AMPH: variants seen among roughly 807,000 people sequenced by gnomAD.
AMPH encodes the protein amphiphysin (Stiff-Mann syndrome with breast cancer 128kD autoantigen).
In AMPH, 49 loss-of-function variants were observed where a neutral mutation model predicts 99.1. That is an observed-to-expected ratio of 0.49 (90% CI 0.39 to 0.63). The LOEUF is 0.63. Ranked by LOEUF, AMPH falls within the 20% of genes least tolerant of loss-of-function variation. The pLI is 0.00. For missense variants in AMPH, 759 were observed against 863.4 expected (o/e 0.88, Z 1.52); for synonymous variants, 314 against 317.3 (o/e 0.99, Z 0.11).
At chr7:38,585,041 C>A (rs1226132898) in intron 1 of AMPH, among the ~76,000 whole-genome samples, 2 of 152,200 alleles carry the variant, frequency 1.3e-5, no homozygotes, top group East Asian at 3.9e-4. Flanking sequence ...TGGGAAACAG[C>A]AAGCTACATG....
intron 1 of AMPH, among the ~76,000 whole-genome samples, chr7:38,611,783 CAGGTG>C (rs751111203): frequency 3.3e-5 from 5 of 152,218 alleles, no homozygotes; most frequent in Non-Finnish European, 5.9e-5. Flanking sequence ...ATCTTGCCTG[CAGGTG>C]TCTCAAATAT....
chr7:38,427,135 A>G lies in AMPH; in HGVS notation c.1183-149T>C, dbSNP rs878918052. The G allele has an allele frequency of 6.2e-6, 4 of 648,242 alleles. No individual in the cohort carries two copies. In the South Asian group the frequency reaches 8.4e-5, roughly 14 times the overall value. The allele number at this position is 648,242 out of a possible 1,614,324, so 40.2% of individuals were successfully genotyped here. ...TTGCTGTGCATGAAAGAACTTAGGA[A>G]ATGCAAAGGCCACACTGTATGATTT... On this transcript the variant is annotated intron_variant, in intron 14 of 20. Coordinates refer to ENST00000356264, the MANE Select transcript of AMPH (RefSeq NM_001635.4).
intron 1 of AMPH, among the ~76,000 whole-genome samples, chr7:38,548,703 G>A (rs9638941): frequency 0.13 from 19,783 of 152,118 alleles, 1,559 homozygotes; most frequent in East Asian, 0.34. Flanking sequence ...ATAGTGAAAT[G>A]CAGATTTTAT....
At chr7:38,399,310 TTC>T (rs1192314035) in intron 17 of AMPH, among the ~76,000 whole-genome samples, 1 of 152,200 alleles carries the variant, frequency 6.6e-6, no homozygotes, top group East Asian at 1.9e-4. Context: ...CCTCATAGCT[TTC>T]TGTTTCTGAC....
chr7:38,535,095 G>A, intron 1 of AMPH, 84 bp from the exon 2 acceptor site: 1 of 1,245,872 alleles, frequency 8.0e-7, no homozygotes, highest in Non-Finnish European at 1.2e-6. Context: ...GAGCAAGGCT[G>A]TTGTTTTGCT....
At chr7:38,466,322 T>C in intron 7 of AMPH, 74 bp from the exon 8 acceptor site, 1 of 1,184,530 alleles carries the variant, frequency 8.4e-7, no homozygotes, top group East Asian at 2.6e-5. Flanking sequence ...TTAATAGCAA[T>C]GAAATGTATG....
At chr7:38,395,922 G>T (rs1784655558) in intron 17 of AMPH, among the ~76,000 whole-genome samples, 1 of 152,112 alleles carries the variant, frequency 6.6e-6, no homozygotes, top group South Asian at 2.1e-4. Context: ...AAATAAAAAT[G>T]CCTGTTACAG....
intron 13 of AMPH, chr7:38,430,098 C>T (rs573104363): frequency 3.9e-6 from 2 of 519,448 alleles, no homozygotes; most frequent in African/African-American, 3.9e-5. Context: ...CACTTTCTAG[C>T]ATCAGCAAGG....
At chr7:38,551,397 G>C (rs1791175559) in intron 1 of AMPH, among the ~76,000 whole-genome samples, 1 of 152,300 alleles carries the variant, frequency 6.6e-6, no homozygotes, top group African/African-American at 2.4e-5. Context: ...AGGAAGAATA[G>C]TCAATGCTTC....
chr7:38,505,694 T>C (rs1789299765), intron 2 of AMPH, among the ~76,000 whole-genome samples: 1 of 152,056 alleles, frequency 6.6e-6, no homozygotes. Context: ...AAAATGCTGA[T>C]GATAAACACT....
At chr7:38,622,298 T>A (rs1794097936) in intron 1 of AMPH, among the ~76,000 whole-genome samples, 1 of 152,126 alleles carries the variant, frequency 6.6e-6, no homozygotes, top group Non-Finnish European at 1.5e-5. Flanking sequence ...TTTCCAGACT[T>A]TAAAATATCA....
chr7:38,484,906 A>C (rs1788431376), intron 5 of AMPH, among the ~76,000 whole-genome samples: 1 of 152,010 alleles, frequency 6.6e-6, no homozygotes, highest in African/African-American at 2.4e-5. Flanking sequence ...TTTAGTTCTT[A>C]GCTTAAAATA....
chr7:38,558,004 C>CAAAAA (rs11423431), intron 1 of AMPH, among the ~76,000 whole-genome samples: 12 of 134,228 alleles, frequency 8.9e-5, no homozygotes, highest in African/African-American at 3.3e-4. Flanking sequence ...AGCCCTGTAT[C>CAAAAA]AAAAAAAAAA....
intron 11 of AMPH, among the ~76,000 whole-genome samples, chr7:38,452,847 G>A (rs1340184942): frequency 6.6e-6 from 1 of 152,198 alleles, no homozygotes; most frequent in African/African-American, 2.4e-5. Flanking sequence ...GAAACTGCTG[G>A]ATGGGCTGAA....
chr7:38,631,025 G>T (rs1338987274), intron 1 of AMPH, among the ~76,000 whole-genome samples: 1 of 152,152 alleles, frequency 6.6e-6, no homozygotes, highest in East Asian at 1.9e-4. Context: ...TCCGGAGCTG[G>T]ACATATCCGG....
In AMPH at chr7:38,610,316, G is replaced by C. The variant is rs1202688857; in HGVS notation, c.69+20967C>G. Among the ~76,000 whole-genome samples the C allele has an allele frequency of 2.0e-4, 5 of 25,450 alleles. 2 individuals carry two copies. The highest frequency in any genetic ancestry group is 4.2e-4 in the African/African-American group (2 of 4,778). The allele number at this position is 25,450 out of a possible 152,430, so 16.7% of individuals were successfully genotyped here. ...AGAAAGAAAAGAAAAGAAAAGAAAA[G>C]AAAAGAAAAGAAAAGAAAAAAGAAA... On this transcript the variant is annotated intron_variant, in intron 1 of 20. Coordinates refer to ENST00000356264, the MANE Select transcript of AMPH (RefSeq NM_001635.4).
chr7:38,525,196 CTT>C (rs1329449839), intron 2 of AMPH, among the ~76,000 whole-genome samples: 4 of 143,198 alleles, frequency 2.8e-5, no homozygotes, highest in African/African-American at 1.0e-4. Context: ...TATACACAAT[CTT>C]ATATATCATC....
At chr7:38,616,937 G>C (rs1793892865) in intron 1 of AMPH, among the ~76,000 whole-genome samples, 1 of 152,040 alleles carries the variant, frequency 6.6e-6, no homozygotes, top group Non-Finnish European at 1.5e-5. Flanking sequence ...CAGTAACACA[G>C]GATAGATATA....
At chr7:38,481,205 A>G (rs886600510) in intron 5 of AMPH, among the ~76,000 whole-genome samples, 14 of 152,118 alleles carry the variant, frequency 9.2e-5, no homozygotes, top group African/African-American at 1.4e-4. Context: ...ACTTGGGGGG[A>G]AAACCCAAAT....
Sources: gnomAD v4.1 joint callset for allele counts (sites outside exome capture counted in the v4.1 genomes callset) on GRCh38, gnomAD v4.1.1 for gene constraint, MANE v1.5 for transcripts, NCBI Gene and HGNC (gene_info 2026-07-23, HGNC 2026-07-21) for gene names.